SH3GL3: variants seen among roughly 807,000 people sequenced by gnomAD.
SH3GL3 encodes the protein SH3 domain containing GRB2 like 3, endophilin A3, also known as endophilin-A3.
A neutral mutation model predicts 47.7 loss-of-function variants in SH3GL3; 33 were observed. The ratio of observed to expected loss-of-function variants is 0.69; its 90% CI spans 0.52 to 0.92. The LOEUF (loss-of-function observed/expected upper bound fraction) is 0.92, where lower values mean the gene tolerates loss of function less well. SH3GL3 is among the 40% of genes least tolerant of loss of function. The probability of loss-of-function intolerance (pLI) is 0.00; values close to 1 mark genes in which losing one functional copy is unlikely to be tolerated. For missense variants in SH3GL3, 363 were observed against 417.8 expected, an observed-to-expected ratio of 0.87 and a Z score of 1.14; for synonymous variants, 155 against 148.8, an observed-to-expected ratio of 1.04 and a Z score of -0.30.
intron 1 of SH3GL3, among the ~76,000 whole-genome samples, chr15:83,499,395 C>CAAA (rs11374002): frequency 5.7e-5 from 7 of 122,066 alleles, no homozygotes; most frequent in South Asian, 2.4e-4. Flanking sequence ...GACTCCATCT[C>CAAA]AAAAAAAAAA....
intron 1 of SH3GL3, among the ~76,000 whole-genome samples, chr15:83,532,220 C>G (rs2043707399): frequency 1.3e-5 from 2 of 152,004 alleles, no homozygotes; most frequent in Non-Finnish European, 1.5e-5. Flanking sequence ...AAGAAAATTT[C>G]CAAAAGGCAA....
At chr15:83,483,848 A>T (rs2041479474) in intron 1 of SH3GL3, among the ~76,000 whole-genome samples, 1 of 152,192 alleles carries the variant, frequency 6.6e-6, no homozygotes, top group Admixed American at 6.5e-5. Flanking sequence ...AATTCCTAAG[A>T]ATTTCAGAAA....
At chr15:83,480,225 C>G (rs1414403537) in intron 1 of SH3GL3, among the ~76,000 whole-genome samples, 1 of 152,162 alleles carries the variant, frequency 6.6e-6, no homozygotes, top group Admixed American at 6.5e-5. Context: ...TCAATTATTA[C>G]TTTTATCTTT....
chr15:83,562,395 T>C (rs1454159445), intron 2 of SH3GL3, among the ~76,000 whole-genome samples: 1 of 152,164 alleles, frequency 6.6e-6, no homozygotes, highest in Non-Finnish European at 1.5e-5. Context: ...CCTCTCATCA[T>C]CATCTTTCAG....
chr15:83,448,232 G>C lies in SH3GL3; in HGVS notation c.45+654G>C, dbSNP rs984755418. 1.3e-5 allele frequency among the ~76,000 whole-genome samples: 2 copies of C among 152,206 alleles called. No homozygotes were observed. Among genetic ancestry groups the C allele is most frequent in the Admixed American group, 6.5e-5 (1 of 15,278 alleles). On this transcript the variant is annotated intron_variant, in intron 1 of 8. Coordinates refer to ENST00000427482, the MANE Select transcript of SH3GL3 (RefSeq NM_003027.5). This position sits in a 1 kb window ranked among gnomAD's most constrained non-coding sequence, Gnocchi z 4.2. Reference sequence around the variant, plus strand: ...AGCCTGCAGGGGAGACACGGAGACAGACACGTAAACAAACAGTGCTAGACA... The same window carrying C: ...AGCCTGCAGGGGAGACACGGAGACACACACGTAAACAAACAGTGCTAGACA...
chr15:83,536,559 T>C (rs886687464), intron 1 of SH3GL3, among the ~76,000 whole-genome samples: 1 of 151,914 alleles, frequency 6.6e-6, no homozygotes, highest in Non-Finnish European at 1.5e-5. Context: ...TGTGCCACCA[T>C]GCCCGGCTAA....
intron 5 of SH3GL3, among the ~76,000 whole-genome samples, chr15:83,576,361 G>C (rs1471922907): frequency 6.6e-6 from 1 of 152,232 alleles, no homozygotes; most frequent in East Asian, 1.9e-4. Flanking sequence ...TTCTATCACC[G>C]ATCTGTCCAT....
chr15:83,543,086 C>T (rs1469068083), intron 1 of SH3GL3, among the ~76,000 whole-genome samples: 2 of 151,872 alleles, frequency 1.3e-5, no homozygotes, highest in African/African-American at 4.8e-5. Flanking sequence ...GCATTTTTTC[C>T]TCATTCAGTA....
At chr15:83,578,373 A>G (rs2059741589) in intron 6 of SH3GL3, among the ~76,000 whole-genome samples, 1 of 152,114 alleles carries the variant, frequency 6.6e-6, no homozygotes, top group African/African-American at 2.4e-5. Flanking sequence ...AAGTTTTTAA[A>G]CCTGTGGGAA....
rs151304059 is a variant in SH3GL3, at chr15:83,595,983, C to A, written c.838+7212C>A. ...TTTCTCTGTTGTCATTGAGTCCTTT[C>A]GCCTTTTCCGATATATGTGTTTAGC... On this transcript the variant is annotated intron_variant, in intron 8 of 8. Transcript: ENST00000427482. 4.9e-3 allele frequency among the ~76,000 whole-genome samples: 744 copies of A among 152,234 alleles called. 10 individuals carry two copies. The highest frequency in any genetic ancestry group is 0.017 in the African/African-American group (702 of 41,538).
downstream of SH3GL3, among the ~76,000 whole-genome samples, chr15:83,622,190 A>T (rs929339678): frequency 6.6e-6 from 1 of 152,218 alleles, no homozygotes; most frequent in Non-Finnish European, 1.5e-5. Flanking sequence ...CAGAGATGCC[A>T]TAACACTGAG....
chr15:83,579,075 C>T (rs1467886065), intron 6 of SH3GL3, among the ~76,000 whole-genome samples: 1 of 152,184 alleles, frequency 6.6e-6, no homozygotes, highest in Non-Finnish European at 1.5e-5. Flanking sequence ...CTCAGTTTTC[C>T]CCCTCAGTAT....
chr15:83,618,339 C>A lies in SH3GL3; in HGVS notation c.*52C>A. ...TTTCGTAACTGAAATGAATTCACAC[C>A]AGTGTGCTCTCAGTGCGGTGTTCTG... is the stretch of plus-strand genomic sequence containing the variant. On this transcript the variant is annotated 3_prime_UTR_variant, in exon 9 of 9. Transcript: ENST00000427482. 1 of 1,165,572 alleles carries A rather than the reference C, an allele frequency of 8.6e-7. No homozygotes were observed. The highest frequency in any genetic ancestry group is 1.3e-6 in the Non-Finnish European group (1 of 771,866). 72.2% of individuals were successfully genotyped at this position (1,165,572 alleles called of 1,614,324 possible). A position where few individuals can be genotyped will look rare whatever the true frequency, so the allele number is the denominator to read the frequency against.
intron 8 of SH3GL3, among the ~76,000 whole-genome samples, chr15:83,605,688 G>T (rs1440468506): frequency 1.3e-5 from 2 of 152,130 alleles, no homozygotes; most frequent in African/African-American, 2.4e-5. Context: ...AGAAAGGGGA[G>T]AATCACATCT....
intron 1 of SH3GL3, among the ~76,000 whole-genome samples, chr15:83,557,379 G>C (rs1369484555): frequency 1.3e-5 from 2 of 152,206 alleles, no homozygotes; most frequent in African/African-American, 4.8e-5. Flanking sequence ...TCTATTGGAA[G>C]TTATGCCTTG....
At chr15:83,485,265 T>C (rs2041542693) in intron 1 of SH3GL3, among the ~76,000 whole-genome samples, 1 of 152,214 alleles carries the variant, frequency 6.6e-6, no homozygotes. Context: ...TGGGTTTTAT[T>C]TTGGGATGAA....
the SH3GL3 span, among the ~76,000 whole-genome samples, chr15:83,628,511 C>T: frequency 6.6e-6 from 1 of 152,032 alleles, no homozygotes; most frequent in Non-Finnish European, 1.5e-5. Flanking sequence ...GGGAGGCCAA[C>T]GTAGGTGGAT....
the SH3GL3 span, among the ~76,000 whole-genome samples, chr15:83,626,121 C>A: frequency 6.6e-6 from 1 of 152,182 alleles, no homozygotes; most frequent in Non-Finnish European, 1.5e-5. Context: ...CATGAGCTAT[C>A]GCACCCAACC....
At chr15:83,540,230 T>C (rs1482635245) in intron 1 of SH3GL3, among the ~76,000 whole-genome samples, 50 of 152,350 alleles carry the variant, frequency 3.3e-4, no homozygotes, top group Non-Finnish European at 6.0e-4. Context: ...GCATATGGTC[T>C]ATTTTGGTAA....
Sources: allele counts gnomAD v4.1 joint callset (sites outside exome capture counted in the v4.1 genomes callset), GRCh38; gene constraint gnomAD v4.1.1; non-coding constraint Gnocchi (gnomAD v3.1); transcripts MANE v1.5; gene names NCBI Gene and HGNC (gene_info 2026-07-23, HGNC 2026-07-21).